PCED1B: variants seen among roughly 807,000 people sequenced by gnomAD.
PCED1B encodes the protein PC-esterase domain-containing protein 1B.
For missense variants in PCED1B, 573 were observed against 573.9 expected, an observed-to-expected ratio of 1.00 and a Z score of 0.02; for synonymous variants, 251 against 246.1, an observed-to-expected ratio of 1.02 and a Z score of -0.19.
At position 47,235,248 on chromosome 12, in the gene PCED1B, TGGACGGAGGCCAGCGG is replaced by T; in HGVS notation, c.188_203del (p.Asp63AlafsTer39). On this transcript the variant is annotated frameshift_variant, in exon 4 of 4. Coordinates refer to ENST00000546455, the MANE Select transcript of PCED1B (RefSeq NM_138371.3). LOFTEE classifies it low-confidence loss of function (END_TRUNC). ...CTGAACTTCGAACAAGATGAGCTGGTGGACGGAGGCCAGCGGGGCCACATGCACAACGGCCTTAACT... is the reference window on the plus strand; with the variant it reads ...CTGAACTTCGAACAAGATGAGCTGGTGGCCACATGCACAACGGCCTTAACT... 2 of 1,613,374 alleles carry T rather than the reference TGGACGGAGGCCAGCGG, an allele frequency of 1.2e-6. No homozygotes were observed. Among genetic ancestry groups the T allele is most frequent in the Non-Finnish European group, 1.7e-6 (2 of 1,179,550 alleles).
chr12:47,235,882 G>C lies in PCED1B; in HGVS notation c.819G>C (p.Pro273=). The C allele has an allele frequency of 6.3e-7, 1 of 1,590,120 alleles. No individual in the cohort carries two copies. The highest frequency in any genetic ancestry group is 8.6e-7 in the Non-Finnish European group (1 of 1,168,634). ...GEWIKKKKPG[P]RVEGPPQANR... ...GGATCAAGAAGAAAAAACCTGGCCC[G>C]AGAGTCGAAGGGCCGCCCCAGGCCA... Residue 273 remains proline (P), a synonymous_variant, in exon 4 of 4, where the codon CCG becomes CCC. Transcript: ENST00000546455.
intron 2 of PCED1B, among the ~76,000 whole-genome samples, chr12:47,111,069 G>T (rs1205472062): frequency 6.6e-6 from 1 of 152,184 alleles, no homozygotes; most frequent in African/African-American, 2.4e-5. Context: ...CTGAAAAATT[G>T]ATTTTTGGTA....
intron 2 of PCED1B, among the ~76,000 whole-genome samples, chr12:47,166,954 T>G (rs1049963782): frequency 2.6e-5 from 4 of 152,152 alleles, no homozygotes; most frequent in African/African-American, 9.7e-5. Flanking sequence ...GGCAGCCAGA[T>G]GGTTAAGGCT....
chr12:47,093,149 A>G (rs972366452), intron 1 of PCED1B, among the ~76,000 whole-genome samples: 1 of 151,874 alleles, frequency 6.6e-6, no homozygotes, highest in South Asian at 2.1e-4. Context: ...AATGGGCTTA[A>G]TTTTAAAAAA....
intron 2 of PCED1B, among the ~76,000 whole-genome samples, chr12:47,128,627 C>A (rs1172902666): frequency 6.6e-6 from 1 of 152,138 alleles, no homozygotes; most frequent in South Asian, 2.1e-4. Context: ...AAAAAAATGT[C>A]TGAAGTTGAT....
intron 3 of PCED1B, among the ~76,000 whole-genome samples, chr12:47,224,499 T>C (rs1943576887): frequency 1.3e-5 from 2 of 152,322 alleles, no homozygotes; most frequent in South Asian, 4.1e-4. Context: ...AAATTTCAGA[T>C]TGTGGCCTGG....
At chr12:47,154,778 CATGTGT>C (rs1047809910) in intron 2 of PCED1B, among the ~76,000 whole-genome samples, 2 of 92,502 alleles carry the variant, frequency 2.2e-5, no homozygotes, top group African/African-American at 1.1e-4. Flanking sequence ...TGTGTGTGTG[CATGTGT>C]GTGTGTGTGT....
At chr12:47,107,966 A>G (rs915607006) in intron 2 of PCED1B, among the ~76,000 whole-genome samples, 4 of 152,124 alleles carry the variant, frequency 2.6e-5, no homozygotes, top group Admixed American at 2.0e-4. Context: ...TCATATATAA[A>G]ATAAGGATGT....
chr12:47,177,579 G>A (rs1009706634), intron 2 of PCED1B, among the ~76,000 whole-genome samples: 2 of 152,142 alleles, frequency 1.3e-5, no homozygotes, highest in African/African-American at 4.8e-5. Context: ...TAGCACCTAT[G>A]TTGTACTGAT....
At chr12:47,133,138 T>C (rs1437921448) in intron 2 of PCED1B, among the ~76,000 whole-genome samples, 1 of 152,210 alleles carries the variant, frequency 6.6e-6, no homozygotes, top group Non-Finnish European at 1.5e-5. Context: ...ACAAACATTA[T>C]TTCCTGACCC....
chr12:47,169,697 T>C lies in PCED1B; in HGVS notation c.-525-46525T>C, dbSNP rs957445938. Among the ~76,000 whole-genome samples, 4 of 152,128 alleles carry C rather than the reference T, an allele frequency of 2.6e-5. No individual in the cohort carries two copies. The South Asian group carries it at 6.2e-4, about 24-fold the overall frequency. On this transcript the variant is annotated intron_variant, in intron 2 of 3. Transcript: ENST00000546455. ...ATTACTAGTATATCTTTTACCTAAA[T>C]TGTACTTTTTGGCCCAGCATGGTGA...
chr12:47,206,454 C>G (rs1402828060), intron 2 of PCED1B: 2 of 152,216 alleles, frequency 1.3e-5, no homozygotes, highest in African/African-American at 4.8e-5. Context: ...TTCACCGTCT[C>G]AGTCATAATT....
At chr12:47,142,572 T>C (rs2137413920) in intron 2 of PCED1B, among the ~76,000 whole-genome samples, 1 of 151,652 alleles carries the variant, frequency 6.6e-6, no homozygotes, top group East Asian at 1.9e-4. Flanking sequence ...AATGCAATCA[T>C]GGAAACAATC....
intron 1 of PCED1B, among the ~76,000 whole-genome samples, chr12:47,099,142 T>C (rs1489869644): frequency 1.3e-5 from 2 of 152,198 alleles, no homozygotes; most frequent in Non-Finnish European, 2.9e-5. Flanking sequence ...TGAAAAACTT[T>C]CACACTGTCA....
intron 2 of PCED1B, among the ~76,000 whole-genome samples, chr12:47,180,146 T>A (rs1942049165): frequency 6.6e-6 from 1 of 152,216 alleles, no homozygotes; most frequent in African/African-American, 2.4e-5. Flanking sequence ...TATGTGTCTA[T>A]GTGTTCTCAT....
chr12:47,107,388 T>G (rs1592147556), intron 2 of PCED1B, among the ~76,000 whole-genome samples: 1 of 152,234 alleles, frequency 6.6e-6, no homozygotes, highest in African/African-American at 2.4e-5. Flanking sequence ...GGAGGAAGGC[T>G]TCTCTCTTGT....
At chr12:47,118,572 C>T (rs1349575766) in intron 2 of PCED1B, among the ~76,000 whole-genome samples, 1 of 152,126 alleles carries the variant, frequency 6.6e-6, no homozygotes, top group Non-Finnish European at 1.5e-5. Context: ...GCACCAGTAC[C>T]ATGTTGTTTT....
chr12:47,215,625 A>C (rs1414266358), intron 2 of PCED1B, among the ~76,000 whole-genome samples: 1 of 152,218 alleles, frequency 6.6e-6, no homozygotes, highest in East Asian at 1.9e-4. Context: ...TAAGGGAGGA[A>C]GCAGAAAGTT....
chr12:47,179,184 T>A (rs943961358), intron 2 of PCED1B, among the ~76,000 whole-genome samples: 7 of 152,222 alleles, frequency 4.6e-5, no homozygotes, highest in Non-Finnish European at 7.3e-5. Context: ...CTTCTCTGCT[T>A]CTGATCTTCT....
Sources: gnomAD v4.1 joint callset for allele counts (sites outside exome capture counted in the v4.1 genomes callset) on GRCh38, gnomAD v4.1.1 for gene constraint, MANE v1.5 for transcripts, NCBI Gene and HGNC (gene_info 2026-07-23, HGNC 2026-07-21) for gene names.